SUGP1: variants seen among roughly 807,000 people sequenced by gnomAD.
The protein encoded by SUGP1 is SURP and G-patch domain-containing protein 1.
SUGP1 carries 34 observed loss-of-function variants against 76.5 expected under a neutral mutation model. The ratio of observed to expected loss-of-function variants is 0.44; its 90% CI spans 0.34 to 0.59. SUGP1 has a LOEUF of 0.59. Among genes scored for constraint, SUGP1 ranks in the 20% least tolerant of loss-of-function variants. The pLI is 0.01. For missense variants in SUGP1, 752 were observed against 851.7 expected, an observed-to-expected ratio of 0.88 and a Z score of 1.46; for synonymous variants, 326 against 326.2, an observed-to-expected ratio of 1.00 and a Z score of 0.01.
intron 10 of SUGP1, 72 bp downstream of exon 10, chr19:19,279,141 C>T: frequency 6.9e-7 from 1 of 1,450,776 alleles, no homozygotes; most frequent in Non-Finnish European, 9.2e-7. Context: ...GTGGCGCATC[C>T]AGGTAACCTT....
chr19:19,298,642 C>G (rs996030846), intron 7 of SUGP1, among the ~76,000 whole-genome samples: 1 of 152,150 alleles, frequency 6.6e-6, no homozygotes, highest in Non-Finnish European at 1.5e-5. Flanking sequence ...TCTCTGTAAT[C>G]CTGGGTCATG....
Position 19,316,660 on chromosome 19 carries a change from A to C in SUGP1, c.35-67T>G, listed in dbSNP as rs1023277296. The C allele has an allele frequency of 1.9e-6, 3 of 1,546,992 alleles. No individual in the cohort carries two copies. The African/African-American group carries it at 4.1e-5, about 21-fold the overall frequency. On this transcript the variant is annotated intron_variant, in intron 1 of 13. Coordinates refer to ENST00000247001, the MANE Select transcript of SUGP1 (RefSeq NM_172231.4). ...CACAAACACCCCAAGAAGCTGTGAC[A>C]GGCCAGAGAGCAACTGATGTTCAGA...
chr19:19,278,918 G>T, intron 10 of SUGP1, 122 bp from the exon 11 acceptor site: 1 of 1,029,984 alleles, frequency 9.7e-7, no homozygotes, highest in Non-Finnish European at 1.5e-6. Context: ...GGAAGGAGGC[G>T]GCTAGGCCAT....
rs2061315414 is a variant in SUGP1, at chr19:19,306,052, G to A, written c.335C>T (p.Ala112Val). ...GCTGGGGGTGGGTGTGCTGGGAGGG[G>A]CGCTGGGCGCACTGGTCGGGGCGTC... ...STDAPTSAPS[A>V]PPSTPTPSAG... The change falls in exon 4 of 14, where the codon GCC (alanine) becomes GTC (valine). Residue 112 changes from alanine to valine, a missense_variant. Around this residue, in one of 2 missense-constraint regions of SUGP1, gnomAD observed 620 missense variants for 617.3 expected, o/e 1.00. Coordinates refer to ENST00000247001, the MANE Select transcript of SUGP1 (RefSeq NM_172231.4). 6.2e-7 allele frequency: 1 copy of A among 1,606,426 alleles called. No individual in the cohort carries two copies. The highest frequency in any genetic ancestry group is 1.3e-5 in the African/African-American group (1 of 74,730).
intron 7 of SUGP1, 105 bp from the exon 8 acceptor site, chr19:19,297,449 C>T: frequency 1.5e-6 from 1 of 666,294 alleles, no homozygotes; most frequent in Admixed American, 3.3e-5. Flanking sequence ...TGGCCAGGGT[C>T]ACTATATGGT....
intron 9 of SUGP1, 92 bp downstream of exon 9, chr19:19,280,093 C>G: frequency 7.9e-7 from 1 of 1,263,620 alleles, no homozygotes; most frequent in South Asian, 1.3e-5. Context: ...TGGCGAAGCA[C>G]ATGAACCCCT....
At chr19:19,309,687 G>T (rs1032517479) in intron 3 of SUGP1, among the ~76,000 whole-genome samples, 1 of 152,142 alleles carries the variant, frequency 6.6e-6, no homozygotes, top group African/African-American at 2.4e-5. Flanking sequence ...GAGGTGGGCG[G>T]ATCACAAGGT....
chr19:19,303,538 G>C, intron 5 of SUGP1, 90 bp from the exon 6 acceptor site: 2 of 1,402,210 alleles, frequency 1.4e-6, no homozygotes, highest in Non-Finnish European at 2.0e-6. Flanking sequence ...AAAAAAGGCA[G>C]GCTGGCGAGC....
intron 8 of SUGP1, among the ~76,000 whole-genome samples, chr19:19,289,146 G>A (rs1440708991): frequency 6.6e-6 from 1 of 152,150 alleles, no homozygotes; most frequent in Non-Finnish European, 1.5e-5. Context: ...TCAAGGGACA[G>A]CTGTATACCC....
At position 19,278,806 on chromosome 19, in the gene SUGP1, G is replaced by A. The variant is rs2061074141; in HGVS notation, c.1529-10C>T. ...AGCTGCTCGGCCCATTCTGCTCAGA[G>A]AAGCAGAAAGGTGAGAAGAGGGAGA... is the stretch of plus-strand genomic sequence containing the variant. On this transcript the variant is annotated splice_polypyrimidine_tract_variant and intron_variant, in intron 10 of 13. Transcript: ENST00000247001. The A allele has an allele frequency of 6.2e-7, 1 of 1,610,394 alleles. No individual in the cohort carries two copies. The highest frequency in any genetic ancestry group is 8.5e-7 in the Non-Finnish European group (1 of 1,178,274).
intron 8 of SUGP1, among the ~76,000 whole-genome samples, chr19:19,285,323 A>G (rs2061131578): frequency 6.6e-6 from 1 of 151,564 alleles, no homozygotes; most frequent in South Asian, 2.1e-4. Flanking sequence ...CTGCCACTAC[A>G]CACAGCTAAT....
intron 6 of SUGP1, 41 bp from the exon 7 acceptor site, chr19:19,302,429 C>CCAA: frequency 6.3e-7 from 1 of 1,598,430 alleles, no homozygotes. Context: ...CTCACCACAC[C>CCAA]CAACAGCCTA....
chr19:19,320,355 C>T (rs1280681315), intron 1 of SUGP1, 108 bp downstream of exon 1: 8 of 1,249,700 alleles, frequency 6.4e-6, no homozygotes, highest in East Asian at 2.6e-5. Context: ...TGCCCCGGGG[C>T]TGAAGCGAGG....
intron 5 of SUGP1, 60 bp downstream of exon 5, chr19:19,303,664 G>T (rs576005836): frequency 1.9e-6 from 3 of 1,593,966 alleles, no homozygotes; most frequent in African/African-American, 1.3e-5. Context: ...AGCCCCACAC[G>T]TGCGACTGTG....
At chr19:19,287,141 C>T (rs965166254) in intron 8 of SUGP1, among the ~76,000 whole-genome samples, 1 of 151,928 alleles carries the variant, frequency 6.6e-6, no homozygotes, top group Non-Finnish European at 1.5e-5. Flanking sequence ...GGCATGGGCA[C>T]ACACTTGTAA....
chr19:19,319,106 CAGCT>C (rs1019604329), intron 1 of SUGP1, among the ~76,000 whole-genome samples: 9 of 151,880 alleles, frequency 5.9e-5, no homozygotes, highest in African/African-American at 1.9e-4. Context: ...CCTGTAATCC[CAGCT>C]ACTCAGGAGG....
At position 19,316,469 on chromosome 19, in the gene SUGP1, T is replaced by G. The variant is rs1282284271; in HGVS notation, c.159A>C (p.Lys53Asn). 1 of 1,613,928 alleles carries G rather than the reference T, an allele frequency of 6.2e-7. No individual in the cohort carries two copies. The highest frequency in any genetic ancestry group is 8.5e-7 in the Non-Finnish European group (1 of 1,180,002). The change falls in exon 2 of 14, where the codon AAA (lysine) becomes AAC (asparagine). Residue 53 changes from lysine (K) to asparagine (N), a missense_variant. Coordinates refer to ENST00000247001, the MANE Select transcript of SUGP1 (RefSeq NM_172231.4). ...GGCTGGCCACCTGATTCTGCTTGGC[T>G]TTCTGTTCCATTTTGGCTTCAATTT... ...KREIEAKMEQKAKQNQVASPQ... is the reference protein window; with the variant it reads ...KREIEAKMEQNAKQNQVASPQ...
At chr19:19,308,686 C>T (rs1421892625) in intron 3 of SUGP1, among the ~76,000 whole-genome samples, 1 of 152,360 alleles carries the variant, frequency 6.6e-6, no homozygotes. Context: ...GACCTGCTCA[C>T]CCCTGCTGGT....
At chr19:19,302,577 C>T (rs1488465752) in intron 6 of SUGP1, 189 bp from the exon 7 acceptor site, 9 of 756,578 alleles carry the variant, frequency 1.2e-5, no homozygotes, top group Non-Finnish European at 1.8e-5. Flanking sequence ...CCCCCACCCC[C>T]GACCCCCGCC....
Sources: gnomAD v4.1 joint callset for allele counts (sites outside exome capture counted in the v4.1 genomes callset) on GRCh38, gnomAD v4.1.1 for gene constraint, gnomAD v4.1.1 regional missense constraint, MANE v1.5 for transcripts, NCBI Gene and HGNC (gene_info 2026-07-23, HGNC 2026-07-21) for gene names.